The following IREB2 variants were observed in gnomAD, a reference collection of about 807,000 sequenced individuals.
The protein encoded by IREB2 is iron-responsive element-binding protein 2.
IREB2 carries 39 observed loss-of-function variants against 118.8 expected under a neutral mutation model. That is an observed-to-expected ratio of 0.33 (90% CI 0.25 to 0.43). The LOEUF (loss-of-function observed/expected upper bound fraction) is 0.43. IREB2 is among the 20% of genes least tolerant of loss of function. IREB2 has a pLI of 1.00. For missense variants in IREB2, 900 were observed against 1,147.3 expected (o/e 0.78, Z 3.11); for synonymous variants, 372 against 392.2 (o/e 0.95, Z 0.61).
At chr15:78,446,462 GCTGT>G (rs1396030171) in intron 2 of IREB2, among the ~76,000 whole-genome samples, 1 of 152,124 alleles carries the variant, frequency 6.6e-6, no homozygotes, top group African/African-American at 2.4e-5. Flanking sequence ...ATGAAATGTG[GCTGT>G]CTCTCAAGAA....
intron 20 of IREB2, among the ~76,000 whole-genome samples, chr15:78,494,722 G>T (rs1018953567): frequency 6.6e-6 from 1 of 152,008 alleles, no homozygotes; most frequent in Non-Finnish European, 1.5e-5. Context: ...TACGCCATGA[G>T]TTACCACACC....
chr15:78,489,869 T>G (rs1438407951), intron 16 of IREB2, among the ~76,000 whole-genome samples: 2 of 152,174 alleles, frequency 1.3e-5, no homozygotes, highest in African/African-American at 2.4e-5. Flanking sequence ...ACAAATACAT[T>G]GAAAAAGCAG....
chr15:78,493,327 G>A (rs1190081630), intron 18 of IREB2, among the ~76,000 whole-genome samples: 2 of 152,104 alleles, frequency 1.3e-5, no homozygotes, highest in African/African-American at 2.4e-5. Context: ...CCTACAGTCA[G>A]CCTTGCAGAA....
At chr15:78,445,698 GC>G (rs2050917672) in intron 2 of IREB2, among the ~76,000 whole-genome samples, 1 of 152,130 alleles carries the variant, frequency 6.6e-6, no homozygotes, top group African/African-American at 2.4e-5. Flanking sequence ...GCCCAATATG[GC>G]CACTGCTGAC....
intron 2 of IREB2, among the ~76,000 whole-genome samples, chr15:78,444,023 T>C (rs1345822990): frequency 6.6e-6 from 1 of 151,916 alleles, no homozygotes; most frequent in Non-Finnish European, 1.5e-5. Context: ...CATGTCAAAA[T>C]CTAGGTAGTC....
Position 78,438,291 on chromosome 15 carries a change from C to T in IREB2, c.-47C>T. On this transcript the variant is annotated 5_prime_UTR_variant, in exon 1 of 22. Transcript: ENST00000258886. ...GTCTTCCCTGCCCGGCCTCCCCCTTCTTCCCCCGCTGGCCCCCTCCCCGGA... is the reference window on the plus strand; with the variant it reads ...GTCTTCCCTGCCCGGCCTCCCCCTTTTTCCCCCGCTGGCCCCCTCCCCGGA... 1 of 1,528,750 alleles carries T rather than the reference C, an allele frequency of 6.5e-7. No individual in the cohort carries two copies. Among genetic ancestry groups the T allele is most frequent in the African/African-American group, 1.4e-5 (1 of 73,532 alleles). 94.7% of individuals were successfully genotyped at this position (1,528,750 alleles called of 1,614,324 possible).
intron 4 of IREB2, 117 bp from the exon 5 acceptor site, chr15:78,466,154 G>A (rs2051277813): frequency 1.7e-6 from 1 of 597,732 alleles, no homozygotes; most frequent in Non-Finnish European, 2.9e-6. Flanking sequence ...TGATACATTA[G>A]CCTTTAAACA....
intron 18 of IREB2, among the ~76,000 whole-genome samples, chr15:78,493,467 C>G (rs1488681733): frequency 6.6e-6 from 1 of 152,126 alleles, no homozygotes; most frequent in Non-Finnish European, 1.5e-5. Flanking sequence ...GTTTAAAGGT[C>G]AACTGTAGAT....
intron 2 of IREB2, among the ~76,000 whole-genome samples, chr15:78,451,955 A>C (rs970997465): frequency 2.0e-5 from 3 of 152,094 alleles, no homozygotes; most frequent in Non-Finnish European, 4.4e-5. Flanking sequence ...GAGCCACCAC[A>C]CCTGGTGGAT....
In IREB2 at chr15:78,471,864, A is replaced by G; in HGVS notation, c.823A>G (p.Ser275Gly). ...FEEKDLLFPD[S>G]VVGTDSHITM... Reference sequence around the variant, plus strand: ...AGAAAAAGACCTCCTCTTCCCAGACAGTGTAGTCGGCACAGATTCACACAT... The same window carrying G: ...AGAAAAAGACCTCCTCTTCCCAGACGGTGTAGTCGGCACAGATTCACACAT... Residue 275 changes from serine to glycine, a missense_variant, in exon 7 of 22, where the codon AGT becomes GGT. Coordinates refer to ENST00000258886, the MANE Select transcript of IREB2 (RefSeq NM_004136.4). 1 of 1,613,688 alleles carries G rather than the reference A, an allele frequency of 6.2e-7. No homozygotes were observed. The highest frequency in any genetic ancestry group is 8.5e-7 in the Non-Finnish European group (1 of 1,179,762).
At chr15:78,470,653 G>A (rs752350023) in intron 6 of IREB2, 52 bp downstream of exon 6, 2 of 708,188 alleles carry the variant, frequency 2.8e-6, no homozygotes, top group South Asian at 4.6e-5. Context: ...ACTAATGATA[G>A]GTACAATTTT....
At chr15:78,466,620 A>ATG (rs2051288010) in intron 5 of IREB2, 131 bp downstream of exon 5, 3 of 637,450 alleles carry the variant, frequency 4.7e-6, no homozygotes, top group Non-Finnish European at 8.2e-6. Flanking sequence ...GAATTTTTAT[A>ATG]TGTATTTCCT....
intron 13 of IREB2, 39 bp downstream of exon 13, chr15:78,485,879 T>C (rs1463274173): frequency 1.9e-6 from 3 of 1,577,252 alleles, no homozygotes; most frequent in Non-Finnish European, 2.6e-6. Context: ...GATATTGGTG[T>C]TCAGTAGGTA....
At position 78,485,959 on chromosome 15, in the gene IREB2, C is replaced by A. The variant is rs2051653093; in HGVS notation, c.1709+119C>A. 3 of 845,764 alleles carry A rather than the reference C, an allele frequency of 3.5e-6. No homozygotes were observed. In the Admixed American group the frequency reaches 7.3e-5, roughly 21 times the overall value. The allele number at this position is 845,764 out of a possible 1,614,324, so 52.4% of individuals were successfully genotyped here. On this transcript the variant is annotated intron_variant, in intron 13 of 21. Coordinates refer to ENST00000258886, the MANE Select transcript of IREB2 (RefSeq NM_004136.4). The stretch of plus-strand genomic sequence containing the variant: ...AAAAAATATGCTTTAGTTTTACTTG[C>A]TACCTTGCCATTACCATACAATTTT...
At chr15:78,482,416 AT>A (rs2051590064) in intron 10 of IREB2, among the ~76,000 whole-genome samples, 1 of 152,162 alleles carries the variant, frequency 6.6e-6, no homozygotes, top group African/African-American at 2.4e-5. Flanking sequence ...TGGAAGTGGG[AT>A]TTTTAACAAA....
chr15:78,474,430 G>C (rs896095921), intron 8 of IREB2: 1 of 152,190 alleles, frequency 6.6e-6, no homozygotes, highest in Non-Finnish European at 1.5e-5. Context: ...AGTAAATTGG[G>C]AATTGCAGGA....
upstream of IREB2, chr15:78,438,206 A>G (rs2050782327): frequency 2.8e-6 from 2 of 712,784 alleles, no homozygotes; most frequent in East Asian, 2.8e-5. Flanking sequence ...TGCTCTCGCG[A>G]TATTTGCGCG....
intron 8 of IREB2, chr15:78,473,904 G>A (rs1185677591): frequency 6.6e-6 from 1 of 151,898 alleles, no homozygotes; most frequent in Non-Finnish European, 1.5e-5. Flanking sequence ...TAAATTATTT[G>A]CCCATTAGAA....
rs1310121020 is a variant in IREB2 at position 78,485,916 on chromosome 15, T to A, written c.1709+76T>A. The A allele has an allele frequency of 4.9e-6, 6 of 1,226,306 alleles. No homozygotes were observed. The Admixed American group carries it at 1.3e-4, about 27-fold the overall frequency. 76.0% of individuals were successfully genotyped at this position (1,226,306 alleles called of 1,614,324 possible). ...TGAAGCTGCTTGTTTGTGCCTTTCA[T>A]ATACAAAGAGAAGATAGAAAAAATA... is the stretch of plus-strand genomic sequence containing the variant. On this transcript the variant is annotated intron_variant, in intron 13 of 21. Transcript: ENST00000258886.
Sources: gnomAD v4.1 joint callset for allele counts (sites outside exome capture counted in the v4.1 genomes callset) on GRCh38, gnomAD v4.1.1 for gene constraint, MANE v1.5 for transcripts, NCBI Gene and HGNC (gene_info 2026-07-23, HGNC 2026-07-21) for gene names.